The following ADAM22 variants were observed in gnomAD, a reference collection of about 807,000 sequenced individuals.
The protein encoded by ADAM22 is disintegrin and metalloproteinase domain-containing protein 22.
In ADAM22, 65 loss-of-function variants were observed where a neutral mutation model predicts 144.6. The observed-to-expected ratio is 0.45, with a 90% confidence interval of 0.37 to 0.55. The LOEUF (loss-of-function observed/expected upper bound fraction) is 0.55, where lower values mean the gene tolerates loss of function less well. Among genes scored for constraint, ADAM22 ranks in the 20% least tolerant of loss-of-function variants. ADAM22 has a pLI of 0.00. For missense variants in ADAM22, 974 were observed against 1,184.9 expected (o/e 0.82, Z 2.61); for synonymous variants, 391 against 412.6 (o/e 0.95, Z 0.63).
At chr7:87,997,459 A>G (rs568079757) in intron 3 of ADAM22, among the ~76,000 whole-genome samples, 1 of 152,360 alleles carries the variant, frequency 6.6e-6, no homozygotes, top group East Asian at 1.9e-4. Flanking sequence ...TTCTCTGCAT[A>G]GAGTCTCACA....
chr7:88,176,048 C>T (rs560743893), intron 26 of ADAM22, among the ~76,000 whole-genome samples: 1 of 152,160 alleles, frequency 6.6e-6, no homozygotes, highest in South Asian at 2.1e-4. Flanking sequence ...TCTCGGCTCA[C>T]TGCAACCTCC....
intron 12 of ADAM22, among the ~76,000 whole-genome samples, chr7:88,133,447 G>A (rs1383956584): frequency 6.6e-6 from 1 of 151,726 alleles, no homozygotes; most frequent in Non-Finnish European, 1.5e-5. Context: ...AGTGACCAGA[G>A]GACAGACTGG....
At chr7:87,944,816 G>GTTTTTTTTTTTTTTTTT (rs11311070) in intron 2 of ADAM22, among the ~76,000 whole-genome samples, 13 of 127,028 alleles carry the variant, frequency 1.0e-4, no homozygotes, top group Non-Finnish European at 1.2e-4. Flanking sequence ...GGAAACTTGT[G>GTTTTTTTTTTTTTTTTT]TTTTTTTTTT....
At chr7:88,059,157 A>G (rs1809079399) in intron 3 of ADAM22, among the ~76,000 whole-genome samples, 1 of 152,190 alleles carries the variant, frequency 6.6e-6, no homozygotes, top group Non-Finnish European at 1.5e-5. Context: ...CAAAGTGATC[A>G]ATCCATGGTA....
At chr7:88,048,631 C>G (rs1805341382) in intron 3 of ADAM22, among the ~76,000 whole-genome samples, 1 of 152,012 alleles carries the variant, frequency 6.6e-6, no homozygotes, top group Non-Finnish European at 1.5e-5. Flanking sequence ...TCCTAATATA[C>G]CATTTCCATT....
chr7:87,982,258 G>T (rs1385108905), intron 3 of ADAM22, among the ~76,000 whole-genome samples: 1 of 151,988 alleles, frequency 6.6e-6, no homozygotes, highest in African/African-American at 2.4e-5. Context: ...GTTAAATAAG[G>T]TAATTTCAGA....
chr7:88,032,205 A>G (rs1800435103), intron 3 of ADAM22, among the ~76,000 whole-genome samples: 1 of 152,192 alleles, frequency 6.6e-6, no homozygotes, highest in South Asian at 2.1e-4. Context: ...GCACCTGGAA[A>G]AGCTGCAGGT....
intron 27 of ADAM22, among the ~76,000 whole-genome samples, chr7:88,180,735 T>C (rs2129537924): frequency 6.6e-6 from 1 of 152,238 alleles, no homozygotes; most frequent in African/African-American, 2.4e-5. Context: ...TCTTAAGCAG[T>C]TAAAAGTTCT....
At chr7:88,000,059 T>C (rs1394897997) in intron 3 of ADAM22, among the ~76,000 whole-genome samples, 2 of 152,178 alleles carry the variant, frequency 1.3e-5, no homozygotes, top group African/African-American at 4.8e-5. Flanking sequence ...AATATGACAT[T>C]CATTATTAAA....
At chr7:88,053,943 C>T (rs931340885) in intron 3 of ADAM22, among the ~76,000 whole-genome samples, 2 of 152,002 alleles carry the variant, frequency 1.3e-5, no homozygotes, top group East Asian at 1.9e-4. Context: ...TCAGCCTGGC[C>T]AACATGGCGA....
intron 2 of ADAM22, among the ~76,000 whole-genome samples, chr7:87,974,649 A>G (rs973409140): frequency 6.6e-6 from 1 of 152,212 alleles, no homozygotes; most frequent in African/African-American, 2.4e-5. Context: ...AGTGTCAGTG[A>G]TGCTGTATTA....
At chr7:88,051,560 G>A (rs904386378) in intron 3 of ADAM22, among the ~76,000 whole-genome samples, 17 of 152,166 alleles carry the variant, frequency 1.1e-4, no homozygotes, top group Admixed American at 2.0e-4. Context: ...GTGGGGTGGG[G>A]GGAGGAGGGA....
At chr7:88,168,747 T>C (rs1843520505) in intron 25 of ADAM22, among the ~76,000 whole-genome samples, 1 of 152,194 alleles carries the variant, frequency 6.6e-6, no homozygotes, top group South Asian at 2.1e-4. Flanking sequence ...GTAAATATAG[T>C]AAACCTTAAA....
chr7:88,127,919 T>A (rs1830823007), intron 8 of ADAM22, among the ~76,000 whole-genome samples: 2 of 152,046 alleles, frequency 1.3e-5, no homozygotes, highest in Non-Finnish European at 2.9e-5. Context: ...CTTTCATTGG[T>A]CATTATTTCG....
At chr7:88,112,140 C>A (rs1826215591) in intron 5 of ADAM22, among the ~76,000 whole-genome samples, 1 of 152,150 alleles carries the variant, frequency 6.6e-6, no homozygotes, top group Admixed American at 6.5e-5. Flanking sequence ...TGAAAGGCTC[C>A]CCCTCTGACT....
chr7:88,066,378 G>A (rs1026611529), intron 3 of ADAM22, among the ~76,000 whole-genome samples: 10 of 151,998 alleles, frequency 6.6e-5, no homozygotes, highest in Admixed American at 2.6e-4. Flanking sequence ...TTTTGGCCAG[G>A]GTAACTGGAA....
chr7:87,958,297 C>T (rs1333932121), intron 2 of ADAM22, among the ~76,000 whole-genome samples: 3 of 152,182 alleles, frequency 2.0e-5, no homozygotes, highest in African/African-American at 4.8e-5. Context: ...ATTTACACTC[C>T]ACTAGCACTG....
intron 3 of ADAM22, among the ~76,000 whole-genome samples, chr7:88,045,922 GTGTGTGTGTGTA>G (rs1354000182): frequency 6.6e-6 from 1 of 150,608 alleles, no homozygotes; most frequent in Middle Eastern, 3.2e-3. Flanking sequence ...GTGTGTGTGT[GTGTGTGTGTGTA>G]TGTCACCCTG....
intron 24 of ADAM22, among the ~76,000 whole-genome samples, chr7:88,166,323 T>G (rs532495542): frequency 6.6e-6 from 1 of 152,304 alleles, no homozygotes; most frequent in South Asian, 2.1e-4. Flanking sequence ...GAATTGGTTT[T>G]AAAATATTTT....
Sources: gnomAD v4.1 joint callset for allele counts (sites outside exome capture counted in the v4.1 genomes callset) on GRCh38, gnomAD v4.1.1 for gene constraint, MANE v1.5 for transcripts, NCBI Gene and HGNC (gene_info 2026-07-23, HGNC 2026-07-21) for gene names.